The following TAOK1 variants were observed in gnomAD, a reference collection of about 807,000 sequenced individuals.
TAOK1 encodes the protein TAO kinase 1.
Under a neutral mutation model 138.3 loss-of-function variants are expected in TAOK1, and 21 were observed. That is an observed-to-expected ratio of 0.15 (90% CI 0.11 to 0.22). TAOK1 has a LOEUF of 0.22. Ranked by LOEUF, TAOK1 falls within the 10% of genes least tolerant of loss-of-function variation. The pLI, the probability that TAOK1 is intolerant of heterozygous loss-of-function variation, is 1.00. For missense variants in TAOK1, 651 were observed against 1,227.7 expected (o/e 0.53, Z 7.02); for synonymous variants, 361 against 398.4 (o/e 0.91, Z 1.12).
intron 19 of TAOK1, among the ~76,000 whole-genome samples, chr17:29,539,026 T>G (rs1231976998): frequency 1.3e-5 from 2 of 152,022 alleles, no homozygotes; most frequent in African/African-American, 4.8e-5. Flanking sequence ...GAAGGCCGAG[T>G]GGGGCGGATC....
chr17:29,532,941 ACC>A (rs536876355), intron 18 of TAOK1, among the ~76,000 whole-genome samples: 2 of 115,334 alleles, frequency 1.7e-5, no homozygotes, highest in South Asian at 6.0e-4. Flanking sequence ...TGGGGGGCTG[ACC>A]CCCCCACCTC....
chr17:29,441,760 G>A (rs1276162253), intron 1 of TAOK1, among the ~76,000 whole-genome samples: 1 of 151,816 alleles, frequency 6.6e-6, no homozygotes, highest in African/African-American at 2.4e-5. Context: ...CTAGCTGGGC[G>A]TGGTGTGCGC....
At position 29,459,047 on chromosome 17, in the gene TAOK1, G is replaced by A. The variant is rs138514545; in HGVS notation, c.132+7367G>A. 3.9e-3 allele frequency among the ~76,000 whole-genome samples: 594 copies of A among 152,000 alleles called. 5 individuals are homozygous for A. The highest frequency in any genetic ancestry group is 0.013 in the African/African-American group (550 of 41,460). On this transcript the variant is annotated intron_variant, in intron 2 of 19. Transcript: ENST00000261716. Reference sequence around the variant, plus strand: ...ATTTTTGTATTTTTACTAGAGATGGGGTTTCACCATGTTGGCCGGTTACTT... The same window carrying A: ...ATTTTTGTATTTTTACTAGAGATGGAGTTTCACCATGTTGGCCGGTTACTT...
At chr17:29,501,221 TA>T (rs66503222) in intron 12 of TAOK1, among the ~76,000 whole-genome samples, 44,198 of 120,224 alleles carry the variant, frequency 0.37, 7,562 homozygotes, top group Middle Eastern at 0.42. Context: ...CCCATCTGTT[TA>T]AAAAAAAAAA....
At chr17:29,483,573 A>G (rs1433235301) in intron 8 of TAOK1, among the ~76,000 whole-genome samples, 1 of 152,184 alleles carries the variant, frequency 6.6e-6, no homozygotes, top group Non-Finnish European at 1.5e-5. Flanking sequence ...TTCTATTACA[A>G]CCAGACTACC....
rs2032499652 is a variant in TAOK1, at chr17:29,551,760, G to A, written c.*8738G>A. ...ATAACCTGTATTAATTGTATAGATT[G>A]TGCATTAAAAGCTGTTACCAAGTTG... On this transcript the variant is annotated 3_prime_UTR_variant, in exon 20 of 20. Transcript: ENST00000261716. 6.6e-6 allele frequency: 1 copy of A among 152,554 alleles called. No homozygotes were observed. Among genetic ancestry groups the A allele is most frequent in the South Asian group, 2.1e-4 (1 of 4,834 alleles). 9.5% of individuals were successfully genotyped at this position (152,554 alleles called of 1,614,324 possible).
intron 1 of TAOK1, among the ~76,000 whole-genome samples, chr17:29,428,688 C>T (rs1018836330): frequency 1.3e-5 from 2 of 152,042 alleles, no homozygotes; most frequent in African/African-American, 4.8e-5. Flanking sequence ...GGCTGGAGTG[C>T]AGTGGGTTAA....
At chr17:29,532,718 A>T (rs981186140) in intron 18 of TAOK1, among the ~76,000 whole-genome samples, 3 of 152,150 alleles carry the variant, frequency 2.0e-5, no homozygotes, top group African/African-American at 7.2e-5. Context: ...AGTACAGAAC[A>T]AAATGAAAAG....
intron 1 of TAOK1, among the ~76,000 whole-genome samples, chr17:29,408,222 GTT>G (rs1180646566): frequency 1.5e-4 from 19 of 130,852 alleles, no homozygotes; most frequent in Non-Finnish European, 1.6e-4. Flanking sequence ...TGGCCATAAG[GTT>G]TTTTTTTTTT....
At chr17:29,410,625 T>TG (rs1374881264) in intron 1 of TAOK1, among the ~76,000 whole-genome samples, 18 of 150,586 alleles carry the variant, frequency 1.2e-4, no homozygotes, top group African/African-American at 4.1e-4. Flanking sequence ...TTTTGTTTTT[T>TG]TTTTTTTTGG....
At chr17:29,537,013 T>C (rs184094786) in intron 19 of TAOK1, among the ~76,000 whole-genome samples, 148 of 152,254 alleles carry the variant, frequency 9.7e-4, no homozygotes, top group African/African-American at 3.4e-3. Context: ...TCATTCCATC[T>C]TTTATATTTG....
At chr17:29,402,564 G>A (rs1197522161) in intron 1 of TAOK1, among the ~76,000 whole-genome samples, 2 of 152,054 alleles carry the variant, frequency 1.3e-5, no homozygotes, top group African/African-American at 4.8e-5. Context: ...CTCAGCCTCC[G>A]AAAGTGCTGG....
intron 2 of TAOK1, among the ~76,000 whole-genome samples, chr17:29,451,904 T>C (rs2030248817): frequency 6.6e-6 from 1 of 152,116 alleles, no homozygotes; most frequent in Non-Finnish European, 1.5e-5. Flanking sequence ...CTTGGATTAT[T>C]GAAAAAATGA....
At position 29,475,762 on chromosome 17, in the gene TAOK1, C is replaced by T. The variant is rs1466226200; in HGVS notation, c.297C>T (p.His99=). ...ACAAAGGCTGTTATTTACGTGAACA[C>T]ACAGCATGGGTTGGTATTTGTTCTC... is the stretch of plus-strand genomic sequence containing the variant. ...IEYKGCYLRE[H]TAWLVMEYCL... The change falls in exon 4 of 20, where the codon CAC becomes CAT. Residue 99 remains histidine (H), a synonymous_variant. Coordinates refer to ENST00000261716, the MANE Select transcript of TAOK1 (RefSeq NM_020791.4). 1 of 1,610,890 alleles carries T rather than the reference C, an allele frequency of 6.2e-7. No individual in the cohort carries two copies. Among genetic ancestry groups the T allele is most frequent in the East Asian group, 2.2e-5 (1 of 44,760 alleles).
In TAOK1 at chr17:29,507,891, T is replaced by G; in HGVS notation, c.1339-5T>G. On this transcript the variant is annotated splice_region_variant and splice_polypyrimidine_tract_variant and intron_variant, in intron 13 of 19. Transcript: ENST00000261716. ...TTCTTTTCCTTACATTATTTGTATG[T>G]CTAGGTTACGAGGCAAATGCAAGAA... 1.2e-6 allele frequency: 2 copies of G among 1,611,610 alleles called. No homozygotes were observed. Among genetic ancestry groups the G allele is most frequent in the Non-Finnish European group, 8.5e-7 (1 of 1,178,632 alleles).
At chr17:29,451,328 G>A (rs2030229249) in intron 1 of TAOK1, 127 bp from the exon 2 acceptor site, 1 of 362,844 alleles carries the variant, frequency 2.8e-6, no homozygotes, top group Non-Finnish European at 4.9e-6. Flanking sequence ...TACTGCAGTA[G>A]TACCCACACT....
At chr17:29,505,639 T>C (rs1170347643) in intron 13 of TAOK1, among the ~76,000 whole-genome samples, 1 of 150,534 alleles carries the variant, frequency 6.6e-6, no homozygotes, top group East Asian at 2.0e-4. Context: ...GAGGCGGAGG[T>C]TGCAGTGAGC....
intron 2 of TAOK1, among the ~76,000 whole-genome samples, chr17:29,465,314 T>A (rs951509005): frequency 1.3e-5 from 2 of 150,540 alleles, no homozygotes; most frequent in Non-Finnish European, 3.0e-5. Context: ...CCACCACACC[T>A]GGCTGTTTTG....
intron 1 of TAOK1, among the ~76,000 whole-genome samples, chr17:29,399,833 G>A (rs952718014): frequency 1.3e-5 from 2 of 151,846 alleles, no homozygotes; most frequent in African/African-American, 2.4e-5. Flanking sequence ...TGGACTTAGC[G>A]ATCCTCTCAC....
Sources: gnomAD v4.1 joint callset for allele counts (sites outside exome capture counted in the v4.1 genomes callset) on GRCh38, gnomAD v4.1.1 for gene constraint, MANE v1.5 for transcripts, NCBI Gene and HGNC (gene_info 2026-07-23, HGNC 2026-07-21) for gene names.